The following CAPSL variants were observed in gnomAD, a reference collection of about 807,000 sequenced individuals.
CAPSL encodes the protein calcyphosine like, also known as calcyphosin-like protein.
CAPSL carries 17 observed loss-of-function variants against 21.3 expected under a neutral mutation model. The observed-to-expected ratio is 0.80, with a 90% CI of 0.55 to 1.20. The LOEUF (loss-of-function observed/expected upper bound fraction) is 1.20, where lower values mean the gene tolerates loss of function less well. Among genes scored for constraint, CAPSL ranks in the 50% most tolerant of loss-of-function variants. The pLI, the probability that CAPSL is intolerant of heterozygous loss-of-function variation, is 0.00. For missense variants in CAPSL, 289 were observed against 259.3 expected (o/e 1.11, Z -0.79); for synonymous variants, 102 against 89.3 (o/e 1.14, Z -0.80).
intron 4 of CAPSL, among the ~76,000 whole-genome samples, chr5:35,908,838 A>G (rs1206540445): frequency 6.6e-6 from 1 of 152,154 alleles, no homozygotes; most frequent in African/African-American, 2.4e-5. Context: ...ACCCCTTGCT[A>G]ATGAGACTCA....
intron 1 of CAPSL, among the ~76,000 whole-genome samples, chr5:35,923,989 A>G (rs6451239): frequency 0.86 from 130,118 of 152,090 alleles, 55,762 homozygotes; most frequent in South Asian, 0.94. Flanking sequence ...TGTTATACAA[A>G]GTAAATACAT....
chr5:35,937,077 A>T (rs1738967788), intron 1 of CAPSL, among the ~76,000 whole-genome samples: 1 of 152,140 alleles, frequency 6.6e-6, no homozygotes, highest in Non-Finnish European at 1.5e-5. Flanking sequence ...CACATCCCGC[A>T]TTTCCATTCC....
intron 1 of CAPSL, among the ~76,000 whole-genome samples, chr5:35,934,854 T>A (rs1487521620): frequency 6.6e-6 from 1 of 152,234 alleles, no homozygotes; most frequent in African/African-American, 2.4e-5. Flanking sequence ...TACCTTTGAA[T>A]GTGCCATCAA....
chr5:35,938,077 C>A (rs184345537), intron 1 of CAPSL, among the ~76,000 whole-genome samples: 1 of 152,238 alleles, frequency 6.6e-6, no homozygotes, highest in South Asian at 2.1e-4. Flanking sequence ...CAGTGTATAG[C>A]AGAAATAGCA....
At chr5:35,911,113 TA>T (rs1409959207) in intron 2 of CAPSL, among the ~76,000 whole-genome samples, 5 of 152,176 alleles carry the variant, frequency 3.3e-5, no homozygotes, top group Non-Finnish European at 5.9e-5. Context: ...CCTACATCCA[TA>T]CTGGTTAAAT....
At chr5:35,910,130 G>T (rs1410145299) in intron 3 of CAPSL, 55 bp from the exon 4 acceptor site, 2 of 1,416,594 alleles carry the variant, frequency 1.4e-6, no homozygotes, top group African/African-American at 1.4e-5. Context: ...GAGCTTTTTT[G>T]GTATCCTATG....
In CAPSL at chr5:35,912,935, A is replaced by G. The variant is rs1738270156; in HGVS notation, c.138-2392T>C. On this transcript the variant is annotated intron_variant, in intron 2 of 4. Coordinates refer to ENST00000651391, the MANE Select transcript of CAPSL (RefSeq NM_001042625.2). ...GAGCTAAAGGAGGAAGTTTGCACCC[A>G]TGGCAAAGAAGTTAAAAACCTTGAA... Among the ~76,000 whole-genome samples, 3 of 152,314 alleles carry G rather than the reference A, an allele frequency of 2.0e-5. No homozygotes were observed. In the Middle Eastern group the frequency reaches 0.01, roughly 518 times the overall value.
At chr5:35,914,808 G>A (rs931421968) in intron 2 of CAPSL, among the ~76,000 whole-genome samples, 1 of 152,150 alleles carries the variant, frequency 6.6e-6, no homozygotes, top group African/African-American at 2.4e-5. Context: ...AACTAGAGAA[G>A]CAAGAGCAAA....
At chr5:35,918,474 C>A (rs1052208753) in intron 2 of CAPSL, among the ~76,000 whole-genome samples, 1 of 152,002 alleles carries the variant, frequency 6.6e-6, no homozygotes, top group Non-Finnish European at 1.5e-5. Context: ...GGGTGGAGGG[C>A]TAGGGGAGGG....
In CAPSL at chr5:35,924,596, A is replaced by C. The variant is rs1235153279; in HGVS notation, c.1-3476T>G. Among the ~76,000 whole-genome samples, 3 of 152,196 alleles carry C rather than the reference A, an allele frequency of 2.0e-5. No homozygotes were observed. The East Asian group carries it at 5.8e-4, about 29-fold the overall frequency. The stretch of plus-strand genomic sequence containing the variant: ...CATTCTCTCCTGCTAGCCTACCGTG[A>C]AACTTGAAATGCCCATAGTAAGCAT... On this transcript the variant is annotated intron_variant, in intron 1 of 4. Coordinates refer to ENST00000651391, the MANE Select transcript of CAPSL (RefSeq NM_001042625.2).
intron 2 of CAPSL, among the ~76,000 whole-genome samples, chr5:35,914,639 T>G (rs1035858479): frequency 7.2e-5 from 11 of 152,016 alleles, no homozygotes; most frequent in South Asian, 2.1e-4. Flanking sequence ...AAGGCAGAAA[T>G]AAAGATGTTC....
At chr5:35,927,061 GTGC>G (rs1738703323) in intron 1 of CAPSL, among the ~76,000 whole-genome samples, 1 of 151,846 alleles carries the variant, frequency 6.6e-6, no homozygotes, top group African/African-American at 2.4e-5. Context: ...GAGGCGAGAT[GTGC>G]TTGAGGAGGG....
chr5:35,926,651 C>T (rs1738693179), intron 1 of CAPSL, among the ~76,000 whole-genome samples: 2 of 152,150 alleles, frequency 1.3e-5, no homozygotes, highest in South Asian at 4.1e-4. Flanking sequence ...TCCCTGGTGG[C>T]AGTAAGCTGA....
At chr5:35,916,177 A>C (rs1187173251) in intron 2 of CAPSL, among the ~76,000 whole-genome samples, 5 of 151,958 alleles carry the variant, frequency 3.3e-5, no homozygotes, top group African/African-American at 1.2e-4. Flanking sequence ...GACCTCTTCA[A>C]GGAGAACTAC....
chr5:35,904,532 C>A lies in CAPSL; in HGVS notation c.*13G>T. 6.2e-7 allele frequency: 1 copy of A among 1,602,182 alleles called. No individual in the cohort carries two copies. Among genetic ancestry groups the A allele is most frequent in the Non-Finnish European group, 8.5e-7 (1 of 1,170,270 alleles). On this transcript the variant is annotated 3_prime_UTR_variant, in exon 5 of 5. Transcript: ENST00000651391. ...ACATGGCTGTCCCAGGGCCTGGTCCCCAGGTCATGTGCTTAAAGCTTCCAG... is the reference window on the plus strand; with the variant it reads ...ACATGGCTGTCCCAGGGCCTGGTCCACAGGTCATGTGCTTAAAGCTTCCAG...
chr5:35,915,705 G>A (rs546685297), intron 2 of CAPSL, among the ~76,000 whole-genome samples: 43 of 152,150 alleles, frequency 2.8e-4, no homozygotes, highest in East Asian at 9.7e-4. Flanking sequence ...TTGATGGGAC[G>A]TTATCTCAAA....
chr5:35,931,690 A>C (rs1738830389), intron 1 of CAPSL, among the ~76,000 whole-genome samples: 1 of 152,242 alleles, frequency 6.6e-6, no homozygotes, highest in Non-Finnish European at 1.5e-5. Context: ...AAACAGAGTA[A>C]GAAGCTACCT....
intron 2 of CAPSL, among the ~76,000 whole-genome samples, chr5:35,917,058 T>C (rs1738409111): frequency 6.6e-6 from 1 of 152,144 alleles, no homozygotes; most frequent in Non-Finnish European, 1.5e-5. Flanking sequence ...GGGCAAAGGA[T>C]ATGAACAGGC....
At chr5:35,918,678 A>C (rs1738454520) in intron 2 of CAPSL, among the ~76,000 whole-genome samples, 1 of 152,212 alleles carries the variant, frequency 6.6e-6, no homozygotes, top group East Asian at 1.9e-4. Context: ...TAAATGCTAA[A>C]AATTTGAACT....
Sources: gnomAD v4.1 joint callset for allele counts (sites outside exome capture counted in the v4.1 genomes callset) on GRCh38, gnomAD v4.1.1 for gene constraint, MANE v1.5 for transcripts, NCBI Gene and HGNC (gene_info 2026-07-23, HGNC 2026-07-21) for gene names.